Variants in SGCZ observed in about 807,000 individuals in gnomAD.
SGCZ encodes the protein sarcoglycan zeta.
A neutral mutation model predicts 41.3 loss-of-function variants in SGCZ; 40 were observed. The ratio of observed to expected loss-of-function variants is 0.97; its 90% confidence interval spans 0.75 to 1.26. The LOEUF (loss-of-function observed/expected upper bound fraction) is 1.26. Ranked by LOEUF, SGCZ falls within the 50% of genes most tolerant of loss-of-function variation. The probability of loss-of-function intolerance (pLI) is 0.00; values close to 1 mark genes in which losing one functional copy is unlikely to be tolerated. For missense variants in SGCZ, 552 were observed against 369.8 expected, an observed-to-expected ratio of 1.49 and a Z score of -4.04; for synonymous variants, 206 against 137.5, an observed-to-expected ratio of 1.50 and a Z score of -3.49.
At chr8:14,375,075 G>A (rs1429690926) in intron 2 of SGCZ, among the ~76,000 whole-genome samples, 1 of 152,056 alleles carries the variant, frequency 6.6e-6, no homozygotes. Context: ...TGAGGGAATT[G>A]AGAGGCCAGA....
At chr8:15,006,735 A>T (rs997017539) in intron 1 of SGCZ, among the ~76,000 whole-genome samples, 1 of 152,172 alleles carries the variant, frequency 6.6e-6, no homozygotes, top group Non-Finnish European at 1.5e-5. Flanking sequence ...TCTTGACGAG[A>T]TTACATTTTT....
chr8:14,646,078 G>C (rs542724589), intron 1 of SGCZ, among the ~76,000 whole-genome samples: 2 of 151,734 alleles, frequency 1.3e-5, no homozygotes, highest in Admixed American at 1.3e-4. Context: ...TTTTATTTTA[G>C]ATACAGGGAA....
intron 1 of SGCZ, among the ~76,000 whole-genome samples, chr8:14,776,150 G>C (rs2256689): frequency 0.65 from 98,645 of 152,042 alleles, 32,752 homozygotes; most frequent in East Asian, 0.79. Flanking sequence ...GATTTGAAGC[G>C]TATTTTATAT....
At chr8:14,726,953 G>C (rs1196538444) in intron 1 of SGCZ, among the ~76,000 whole-genome samples, 1 of 151,962 alleles carries the variant, frequency 6.6e-6, no homozygotes, top group Non-Finnish European at 1.5e-5. Flanking sequence ...GGCAAATTCT[G>C]ATTAATTGAA....
At chr8:14,624,863 A>T (rs1023496835) in intron 1 of SGCZ, among the ~76,000 whole-genome samples, 2 of 151,796 alleles carry the variant, frequency 1.3e-5, no homozygotes, top group African/African-American at 2.4e-5. Context: ...GAGCCACCAC[A>T]CCGGGCTATC....
chr8:15,036,450 G>A (rs1367472211), intron 1 of SGCZ, among the ~76,000 whole-genome samples: 5 of 151,882 alleles, frequency 3.3e-5, no homozygotes, highest in Non-Finnish European at 7.4e-5. Flanking sequence ...AATAACTAAT[G>A]GACATTAGGC....
At chr8:14,491,225 G>A (rs1167932867) in intron 2 of SGCZ, among the ~76,000 whole-genome samples, 1 of 151,950 alleles carries the variant, frequency 6.6e-6, no homozygotes, top group Non-Finnish European at 1.5e-5. Flanking sequence ...CCCTAATGGC[G>A]ATACACCGAA....
At chr8:14,421,491 A>AT (rs1460374338) in intron 2 of SGCZ, among the ~76,000 whole-genome samples, 1 of 152,164 alleles carries the variant, frequency 6.6e-6, no homozygotes. Context: ...ACTCCAAGGT[A>AT]TTCTTATTTC....
chr8:14,908,915 T>A (rs189915587), intron 1 of SGCZ, among the ~76,000 whole-genome samples: 46 of 152,308 alleles, frequency 3.0e-4, no homozygotes, highest in African/African-American at 1.1e-3. Flanking sequence ...TGTATTAGGT[T>A]CACCAAATGT....
chr8:15,210,148 T>G (rs1264067237), intron 1 of SGCZ, among the ~76,000 whole-genome samples: 1 of 152,164 alleles, frequency 6.6e-6, no homozygotes, highest in Non-Finnish European at 1.5e-5. Context: ...AAAGGATTTC[T>G]TTTCAGAAAG....
chr8:14,153,615 A>G (rs1411687257), intron 5 of SGCZ, among the ~76,000 whole-genome samples: 1 of 152,172 alleles, frequency 6.6e-6, no homozygotes, highest in Non-Finnish European at 1.5e-5. Flanking sequence ...AGCCACAGGC[A>G]GGTACTACAG....
chr8:15,080,036 C>A (rs552073968), intron 1 of SGCZ, among the ~76,000 whole-genome samples: 1 of 152,018 alleles, frequency 6.6e-6, no homozygotes, highest in Non-Finnish European at 1.5e-5. Context: ...ATTTTTCCTT[C>A]GCCATTTTTT....
intron 1 of SGCZ, among the ~76,000 whole-genome samples, chr8:14,807,483 G>A (rs577094699): frequency 6.6e-6 from 1 of 151,986 alleles, no homozygotes; most frequent in Non-Finnish European, 1.5e-5. Context: ...ATTCACAATT[G>A]CTTCAAAGAG....
chr8:14,818,164 C>T (rs919874676), intron 1 of SGCZ, among the ~76,000 whole-genome samples: 13 of 152,270 alleles, frequency 8.5e-5, no homozygotes, highest in African/African-American at 2.6e-4. Flanking sequence ...GCTGGTCACA[C>T]TCACACATTC....
chr8:15,080,979 C>A (rs6530830), intron 1 of SGCZ, among the ~76,000 whole-genome samples: 3,976 of 152,044 alleles, frequency 0.026, 166 homozygotes, highest in African/African-American at 0.091. Flanking sequence ...GAGGAGAAGG[C>A]GGCCACCTAC....
chr8:14,555,388 T>C (rs1804003822), intron 1 of SGCZ, among the ~76,000 whole-genome samples: 1 of 151,994 alleles, frequency 6.6e-6, no homozygotes, highest in Non-Finnish European at 1.5e-5. Flanking sequence ...GGTGCTGTTC[T>C]GGTAATAGAG....
At chr8:15,066,054 A>C (rs940696200) in intron 1 of SGCZ, among the ~76,000 whole-genome samples, 2 of 151,274 alleles carry the variant, frequency 1.3e-5, no homozygotes, top group African/African-American at 4.9e-5. Context: ...CACGCCTGTA[A>C]TCCCAGCACT....
chr8:14,694,062 C>T (rs78116782), intron 1 of SGCZ, among the ~76,000 whole-genome samples: 1,636 of 152,106 alleles, frequency 0.011, 17 homozygotes, highest in Non-Finnish European at 0.018. Flanking sequence ...CAAAACAGAG[C>T]AAAAATCTAC....
At chr8:14,258,652 C>A (rs547575696) in intron 3 of SGCZ, among the ~76,000 whole-genome samples, 2 of 152,172 alleles carry the variant, frequency 1.3e-5, no homozygotes, top group East Asian at 3.9e-4. Flanking sequence ...TTCAGAAGAG[C>A]ACAAAATAAT....
Sources: allele counts gnomAD v4.1 joint callset (sites outside exome capture counted in the v4.1 genomes callset), GRCh38; gene constraint gnomAD v4.1.1; transcripts MANE v1.5; gene names NCBI Gene and HGNC (gene_info 2026-07-23, HGNC 2026-07-21).